The following COL13A1 variants were observed in gnomAD, a reference collection of about 807,000 sequenced individuals.
COL13A1 encodes the protein collagen type XIII alpha 1 chain.
Under a neutral mutation model 130.9 loss-of-function variants are expected in COL13A1, and 89 were observed. The ratio of observed to expected loss-of-function variants is 0.68; its 90% CI spans 0.57 to 0.81. The LOEUF (loss-of-function observed/expected upper bound fraction) is 0.81. COL13A1 is among the 30% of genes least tolerant of loss of function. The pLI, the probability that COL13A1 is intolerant of heterozygous loss-of-function variation, is 0.00. For synonymous variants in COL13A1, 402 were observed against 341.6 expected, an observed-to-expected ratio of 1.18 and a Z score of -1.95; for missense variants, 879 against 934.6, an observed-to-expected ratio of 0.94 and a Z score of 0.78.
At chr10:69,920,306 CAT>C (rs2064477536) in intron 21 of COL13A1, among the ~76,000 whole-genome samples, 2 of 152,226 alleles carry the variant, frequency 1.3e-5, no homozygotes, top group South Asian at 2.1e-4. Flanking sequence ...CATTATTACA[CAT>C]GAGAACTGCC....
At chr10:69,946,484 C>T (rs1031429503) in intron 37 of COL13A1, among the ~76,000 whole-genome samples, 3 of 152,214 alleles carry the variant, frequency 2.0e-5, no homozygotes, top group Non-Finnish European at 4.4e-5. Context: ...TGAGAGAGCC[C>T]GCACTTTAGT....
At chr10:69,903,583 G>A (rs1386976620) in intron 15 of COL13A1, among the ~76,000 whole-genome samples, 3 of 152,154 alleles carry the variant, frequency 2.0e-5, no homozygotes, top group African/African-American at 7.2e-5. Flanking sequence ...CAGAGAAAAC[G>A]GGTCTTCCAC....
intron 40 of COL13A1, 45 bp from the exon 41 acceptor site, chr10:69,958,654 G>A: frequency 1.2e-6 from 2 of 1,613,798 alleles, no homozygotes; most frequent in Non-Finnish European, 1.7e-6. Flanking sequence ...AACCTCTGCA[G>A]ACCCACTGAA....
chr10:69,947,667 T>A (rs2068760186), intron 38 of COL13A1, among the ~76,000 whole-genome samples: 1 of 152,178 alleles, frequency 6.6e-6, no homozygotes, highest in Admixed American at 6.5e-5. Context: ...TACGTGATCA[T>A]TTTAGATCCA....
At chr10:69,931,696 G>A (rs2066143270) in intron 30 of COL13A1, among the ~76,000 whole-genome samples, 1 of 152,190 alleles carries the variant, frequency 6.6e-6, no homozygotes, top group Admixed American at 6.5e-5. Context: ...CCTGGATATG[G>A]TGTGGAAGCT....
intron 13 of COL13A1, chr10:69,897,590 C>G (rs1314051113): frequency 6.3e-7 from 1 of 1,579,078 alleles, no homozygotes; most frequent in Non-Finnish European, 8.7e-7. Context: ...CCTGAACATA[C>G]AGCCCAACAT....
intron 17 of COL13A1, among the ~76,000 whole-genome samples, chr10:69,909,979 C>G (rs1228905418): frequency 6.6e-6 from 1 of 152,220 alleles, no homozygotes; most frequent in Non-Finnish European, 1.5e-5. Context: ...CAGGCCTCAT[C>G]AAGCCCTGTG....
intron 15 of COL13A1, 36 bp downstream of exon 15, chr10:69,902,891 C>A (rs1283001050): frequency 1.4e-6 from 2 of 1,445,406 alleles, no homozygotes; most frequent in South Asian, 2.7e-5. Flanking sequence ...CAAGACTTAT[C>A]CCAAGAACTC....
At chr10:69,942,853 C>T (rs1257158947) in intron 35 of COL13A1, among the ~76,000 whole-genome samples, 1 of 152,116 alleles carries the variant, frequency 6.6e-6, no homozygotes, top group Non-Finnish European at 1.5e-5. Flanking sequence ...CGAGCTGACT[C>T]CTTATTGTTT....
Position 69,919,526 on chromosome 10 carries a change from T to C in COL13A1, c.1027-139T>C, listed in dbSNP as rs576610536. 6 of 398,962 alleles carry C rather than the reference T, an allele frequency of 1.5e-5. No homozygotes were observed. The South Asian group carries it at 8.2e-4, about 55-fold the overall frequency. 24.7% of individuals were successfully genotyped at this position (398,962 alleles called of 1,614,324 possible). The stretch of plus-strand genomic sequence containing the variant: ...TTATGTGGCATTTTCAAAACGTTTT[T>C]GACCAGAACACCCTTTTTTAAAGAG... On this transcript the variant is annotated intron_variant, in intron 20 of 40. Transcript: ENST00000645393.
intron 1 of COL13A1, among the ~76,000 whole-genome samples, chr10:69,808,666 T>A (rs1328614940): frequency 6.6e-6 from 1 of 152,242 alleles, no homozygotes; most frequent in Non-Finnish European, 1.5e-5. Context: ...GGTCTCTCCA[T>A]GTGACCACAC....
chr10:69,946,148 ACTCTCATTTC>A lies in COL13A1; in HGVS notation c.2022+426_2022+435del, dbSNP rs1286345753. ...AGCACAAATCCAGGGCCAAGGGAGA[ACTCTCATTTC>A]CATGACAGACAAAGCTGCCAAGAGG... is the stretch of plus-strand genomic sequence containing the variant. On this transcript the variant is annotated intron_variant, in intron 37 of 40. Coordinates refer to ENST00000645393, the MANE Select transcript of COL13A1 (RefSeq NM_001368882.1). Among the ~76,000 whole-genome samples the A allele has an allele frequency of 3.3e-5, 5 of 151,592 alleles. No individual in the cohort carries two copies. In the South Asian group the frequency reaches 1.0e-3, roughly 32 times the overall value.
intron 2 of COL13A1, among the ~76,000 whole-genome samples, chr10:69,838,969 C>G (rs1054997072): frequency 1.3e-5 from 2 of 152,268 alleles, no homozygotes; most frequent in Non-Finnish European, 2.9e-5. Context: ...TTGCTACACA[C>G]GTGCCAGTTG....
chr10:69,901,614 C>T (rs998937159), intron 14 of COL13A1, among the ~76,000 whole-genome samples: 1 of 152,222 alleles, frequency 6.6e-6, no homozygotes, highest in Non-Finnish European at 1.5e-5. Flanking sequence ...GGAGGTTCTG[C>T]TTCAGCCCAT....
chr10:69,832,092 G>A (rs1036253476), intron 2 of COL13A1, among the ~76,000 whole-genome samples: 2 of 152,186 alleles, frequency 1.3e-5, no homozygotes, highest in Non-Finnish European at 2.9e-5. Context: ...GTGAGGTCCC[G>A]AAGGCAATGG....
chr10:69,813,636 C>T (rs1347241369), intron 1 of COL13A1, among the ~76,000 whole-genome samples: 2 of 152,148 alleles, frequency 1.3e-5, no homozygotes, highest in South Asian at 4.1e-4. Context: ...CCCGTGGCAC[C>T]CCCTCCCTGT....
chr10:69,930,326 T>C, intron 29 of COL13A1, 74 bp from the exon 30 acceptor site: 1 of 1,421,972 alleles, frequency 7.0e-7, no homozygotes, highest in Non-Finnish European at 9.5e-7. Flanking sequence ...GCCTTTGGAC[T>C]TTTCTACTCT....
chr10:69,929,045 C>T (rs777748641), intron 28 of COL13A1, 46 bp downstream of exon 28: 176 of 1,480,034 alleles, frequency 1.2e-4, no homozygotes, highest in Middle Eastern at 6.6e-4. Flanking sequence ...GCAAGGGCAT[C>T]GACCCCAGGG....
intron 1 of COL13A1, among the ~76,000 whole-genome samples, chr10:69,816,774 G>A (rs1844641341): frequency 6.6e-6 from 1 of 152,128 alleles, no homozygotes; most frequent in African/African-American, 2.4e-5. Context: ...CATGAGGACT[G>A]CCCACCAGAT....
Sources: gnomAD v4.1 joint callset for allele counts (sites outside exome capture counted in the v4.1 genomes callset) on GRCh38, gnomAD v4.1.1 for gene constraint, MANE v1.5 for transcripts, NCBI Gene and HGNC (gene_info 2026-07-23, HGNC 2026-07-21) for gene names.